Variants in CNTNAP2 observed in about 807,000 individuals in gnomAD.
CNTNAP2 encodes the protein contactin-associated protein-like 2.
Under a neutral mutation model 155.2 loss-of-function variants are expected in CNTNAP2, and 98 were observed. The ratio of observed to expected loss-of-function variants is 0.63; its 90% CI spans 0.54 to 0.75. The LOEUF is 0.75. Among genes scored for constraint, CNTNAP2 ranks in the 30% least tolerant of loss-of-function variants. The probability of loss-of-function intolerance (pLI) is 0.00; values close to 1 mark genes in which losing one functional copy is unlikely to be tolerated. For missense variants in CNTNAP2, 1,727 were observed against 1,688.1 expected, an observed-to-expected ratio of 1.02 and a Z score of -0.40; for synonymous variants, 651 against 631.2, an observed-to-expected ratio of 1.03 and a Z score of -0.47.
chr7:148,160,359 C>T (rs1805496046), intron 17 of CNTNAP2, among the ~76,000 whole-genome samples: 1 of 151,350 alleles, frequency 6.6e-6, no homozygotes, highest in Non-Finnish European at 1.5e-5. Context: ...TGCAGTGAGC[C>T]GTGATCACAC....
intron 14 of CNTNAP2, among the ~76,000 whole-genome samples, chr7:147,923,878 A>G (rs1224765710): frequency 6.6e-6 from 1 of 152,116 alleles, no homozygotes; most frequent in African/African-American, 2.4e-5. Flanking sequence ...CCTTGATTTC[A>G]GACTTCTAGC....
chr7:147,408,392 GTAGGT>G (rs1224486590), intron 10 of CNTNAP2, among the ~76,000 whole-genome samples: 1 of 152,208 alleles, frequency 6.6e-6, no homozygotes, highest in East Asian at 1.9e-4. Flanking sequence ...AGGATTTACA[GTAGGT>G]TCTTTCACAG....
intron 3 of CNTNAP2, among the ~76,000 whole-genome samples, chr7:146,955,449 C>T (rs1298225568): frequency 6.6e-6 from 1 of 151,872 alleles, no homozygotes; most frequent in Non-Finnish European, 1.5e-5. Context: ...GAAAAAGACA[C>T]TAGAAACAAA....
chr7:146,370,305 G>A (rs1795216654), intron 1 of CNTNAP2, among the ~76,000 whole-genome samples: 2 of 145,672 alleles, frequency 1.4e-5, no homozygotes, highest in African/African-American at 5.1e-5. Flanking sequence ...CGGCGTGACA[G>A]CATGTGCCTG....
intron 3 of CNTNAP2, among the ~76,000 whole-genome samples, chr7:146,844,859 T>A (rs2129201713): frequency 6.6e-6 from 1 of 152,318 alleles, no homozygotes; most frequent in Middle Eastern, 3.4e-3. Context: ...ATTTTGTTAA[T>A]TTTAAGTAGG....
intron 3 of CNTNAP2, among the ~76,000 whole-genome samples, chr7:146,947,879 A>C (rs1797223204): frequency 6.6e-6 from 1 of 152,012 alleles, no homozygotes; most frequent in Non-Finnish European, 1.5e-5. Context: ...GCCCTGCAGC[A>C]TGAATGACAA....
chr7:147,973,861 C>T (rs1204571221), intron 14 of CNTNAP2, among the ~76,000 whole-genome samples: 1 of 152,146 alleles, frequency 6.6e-6, no homozygotes, highest in Non-Finnish European at 1.5e-5. Context: ...CTCTGATTCT[C>T]ATTCTTCTCA....
intron 1 of CNTNAP2, among the ~76,000 whole-genome samples, chr7:146,572,592 A>C (rs1798459620): frequency 6.6e-6 from 1 of 152,186 alleles, no homozygotes. Flanking sequence ...GGCAGGGGAC[A>C]AGGAGGACAT....
At chr7:147,065,722 G>T (rs1456518063) in intron 4 of CNTNAP2, among the ~76,000 whole-genome samples, 1 of 152,060 alleles carries the variant, frequency 6.6e-6, no homozygotes, top group Non-Finnish European at 1.5e-5. Context: ...GACACAAACT[G>T]GTTATTATAC....
intron 10 of CNTNAP2, among the ~76,000 whole-genome samples, chr7:147,476,521 C>G (rs1019666789): frequency 6.6e-6 from 1 of 152,066 alleles, no homozygotes; most frequent in Non-Finnish European, 1.5e-5. Flanking sequence ...TTCTCGCTTC[C>G]TCTCTCTATC....
chr7:146,579,528 C>G (rs1051757110), intron 1 of CNTNAP2, among the ~76,000 whole-genome samples: 1 of 152,004 alleles, frequency 6.6e-6, no homozygotes. Context: ...CAGAAAGCTC[C>G]GTAAATTGAA....
At chr7:147,052,985 T>C (rs1799498621) in intron 4 of CNTNAP2, among the ~76,000 whole-genome samples, 1 of 152,098 alleles carries the variant, frequency 6.6e-6, no homozygotes, top group Non-Finnish European at 1.5e-5. Flanking sequence ...TATTCTTTAG[T>C]GCTTTTAAGT....
At chr7:148,387,814 CA>C (rs1374691150) in intron 22 of CNTNAP2, among the ~76,000 whole-genome samples, 2 of 152,056 alleles carry the variant, frequency 1.3e-5, no homozygotes, top group African/African-American at 4.8e-5. Context: ...GTGTCTGAAC[CA>C]GAGCAACTCC....
chr7:147,265,824 C>T (rs1804595219), intron 8 of CNTNAP2, among the ~76,000 whole-genome samples: 1 of 152,102 alleles, frequency 6.6e-6, no homozygotes, highest in Non-Finnish European at 1.5e-5. Context: ...CCATCTTTGC[C>T]TCCTTAGGTG....
chr7:147,617,839 T>A (rs1368272137), intron 12 of CNTNAP2, among the ~76,000 whole-genome samples: 1 of 152,146 alleles, frequency 6.6e-6, no homozygotes, highest in Non-Finnish European at 1.5e-5. Context: ...TATTTGATAG[T>A]CAAAAATTTT....
At chr7:148,291,501 C>T (rs1222150193) in intron 21 of CNTNAP2, among the ~76,000 whole-genome samples, 1 of 151,978 alleles carries the variant, frequency 6.6e-6, no homozygotes, top group African/African-American at 2.4e-5. Flanking sequence ...GGCCAAGTCT[C>T]CCTCTTCACA....
At chr7:146,243,379 C>G (rs1240694263) in intron 1 of CNTNAP2, among the ~76,000 whole-genome samples, 2 of 151,906 alleles carry the variant, frequency 1.3e-5, no homozygotes, top group Non-Finnish European at 2.9e-5. Flanking sequence ...TCTGTCTATT[C>G]GTAGGTTAAT....
intron 8 of CNTNAP2, among the ~76,000 whole-genome samples, chr7:147,170,921 A>G (rs906118648): frequency 1.3e-5 from 2 of 152,146 alleles, no homozygotes; most frequent in Non-Finnish European, 2.9e-5. Context: ...CTCCCAGTCC[A>G]GGAGTTTTCT....
At chr7:146,610,560 GTTAAT>G (rs1239252863) in intron 1 of CNTNAP2, among the ~76,000 whole-genome samples, 2 of 152,100 alleles carry the variant, frequency 1.3e-5, no homozygotes, top group Admixed American at 6.6e-5. Flanking sequence ...AGTGAAAGTA[GTTAAT>G]TTAATATTCT....
Sources: allele counts gnomAD v4.1 joint callset (sites outside exome capture counted in the v4.1 genomes callset), GRCh38; gene constraint gnomAD v4.1.1; transcripts MANE v1.5; gene names NCBI Gene and HGNC (gene_info 2026-07-23, HGNC 2026-07-21).